The following NSMCE2 variants were observed in gnomAD, a reference collection of about 807,000 sequenced individuals.
NSMCE2 encodes the protein NSE2 SUMO ligase component of SMC5/6 complex, also known as E3 SUMO-protein ligase NSE2.
A neutral mutation model predicts 23.8 loss-of-function variants in NSMCE2; 24 were observed. The ratio of observed to expected loss-of-function variants is 1.01; its 90% CI spans 0.73 to 1.42. The LOEUF is 1.42. Ranked by LOEUF, NSMCE2 falls within the 40% of genes most tolerant of loss-of-function variation. NSMCE2 has a pLI of 0.00. For missense variants in NSMCE2, 284 were observed against 296.5 expected, an observed-to-expected ratio of 0.96 and a Z score of 0.31; for synonymous variants, 92 against 94.1, an observed-to-expected ratio of 0.98 and a Z score of 0.13.
At chr8:125,186,076 A>G (rs947102718) in intron 5 of NSMCE2, among the ~76,000 whole-genome samples, 2 of 152,226 alleles carry the variant, frequency 1.3e-5, no homozygotes. Flanking sequence ...CTGATTTTCT[A>G]TGGCCTGCAA....
At chr8:125,142,297 C>G (rs758771550) in intron 3 of NSMCE2, among the ~76,000 whole-genome samples, 1 of 152,140 alleles carries the variant, frequency 6.6e-6, no homozygotes, top group Non-Finnish European at 1.5e-5. Context: ...AATTGAGACT[C>G]TAGTAAAATG....
At chr8:125,291,735 G>A (rs1360976254) in intron 5 of NSMCE2, among the ~76,000 whole-genome samples, 1 of 152,168 alleles carries the variant, frequency 6.6e-6, no homozygotes, top group East Asian at 1.9e-4. Context: ...GTATCTAATA[G>A]TGTTTCCAGA....
chr8:125,158,777 C>G (rs748683687), intron 4 of NSMCE2, among the ~76,000 whole-genome samples: 7 of 152,174 alleles, frequency 4.6e-5, no homozygotes, highest in African/African-American at 7.2e-5. Context: ...AGGCCTTTCC[C>G]CACTAATTGG....
intron 5 of NSMCE2, among the ~76,000 whole-genome samples, chr8:125,255,147 T>A (rs1826352081): frequency 6.6e-6 from 1 of 152,014 alleles, no homozygotes. Context: ...ACTTGTCAGC[T>A]GTATGAATGA....
intron 5 of NSMCE2, among the ~76,000 whole-genome samples, chr8:125,202,341 A>G (rs990948119): frequency 6.6e-6 from 1 of 152,232 alleles, no homozygotes; most frequent in Non-Finnish European, 1.5e-5. Context: ...CTATTCAGCC[A>G]TCTTGGAACG....
chr8:125,130,204 G>A (rs2130556401), intron 3 of NSMCE2: 1 of 453,994 alleles, frequency 2.2e-6, no homozygotes, highest in Non-Finnish European at 4.4e-6. Flanking sequence ...GATTAGATTT[G>A]CGTTACAGGT....
chr8:125,099,016 G>A (rs1407138921), intron 1 of NSMCE2, among the ~76,000 whole-genome samples: 1 of 152,122 alleles, frequency 6.6e-6, no homozygotes, highest in Non-Finnish European at 1.5e-5. Flanking sequence ...GAGATACATA[G>A]TATTACATTC....
intron 5 of NSMCE2, among the ~76,000 whole-genome samples, chr8:125,289,036 G>T (rs929675604): frequency 6.6e-6 from 1 of 152,096 alleles, no homozygotes; most frequent in Non-Finnish European, 1.5e-5. Flanking sequence ...AAGCAATCCT[G>T]CCTTAACCTC....
At chr8:125,250,026 G>C (rs1826137899) in intron 5 of NSMCE2, among the ~76,000 whole-genome samples, 1 of 152,180 alleles carries the variant, frequency 6.6e-6, no homozygotes, top group Non-Finnish European at 1.5e-5. Context: ...TTTCGCTCTT[G>C]TTGCCCAGGC....
intron 5 of NSMCE2, among the ~76,000 whole-genome samples, chr8:125,326,364 G>A (rs966000862): frequency 6.6e-6 from 1 of 152,162 alleles, no homozygotes; most frequent in African/African-American, 2.4e-5. Context: ...CAAGGTATTT[G>A]CATATCTCTT....
At chr8:125,246,922 T>G (rs1825991807) in intron 5 of NSMCE2, among the ~76,000 whole-genome samples, 1 of 152,180 alleles carries the variant, frequency 6.6e-6, no homozygotes, top group Non-Finnish European at 1.5e-5. Flanking sequence ...GTTAAAATAC[T>G]TAAGATCAGC....
intron 5 of NSMCE2, among the ~76,000 whole-genome samples, chr8:125,324,964 T>A (rs1829604149): frequency 6.6e-6 from 1 of 152,020 alleles, no homozygotes; most frequent in African/African-American, 2.4e-5. Flanking sequence ...AGCCTGAAAG[T>A]GCAGAGGATA....
chr8:125,128,490 C>T (rs1287013613), intron 3 of NSMCE2, among the ~76,000 whole-genome samples: 1 of 152,150 alleles, frequency 6.6e-6, no homozygotes, highest in South Asian at 2.1e-4. Context: ...TTCTGACATA[C>T]GCATCTATGT....
intron 5 of NSMCE2, among the ~76,000 whole-genome samples, chr8:125,311,558 T>C (rs933684678): frequency 6.6e-6 from 1 of 152,238 alleles, no homozygotes; most frequent in African/African-American, 2.4e-5. Context: ...TGTTGTGCAA[T>C]ATGTCAGCAT....
intron 5 of NSMCE2, among the ~76,000 whole-genome samples, chr8:125,330,650 A>G (rs901980195): frequency 6.6e-6 from 1 of 152,134 alleles, no homozygotes; most frequent in African/African-American, 2.4e-5. Flanking sequence ...TTCCATGCCT[A>G]ATTACGTTTA....
intron 5 of NSMCE2, among the ~76,000 whole-genome samples, chr8:125,287,528 A>G (rs936854212): frequency 6.6e-6 from 1 of 152,104 alleles, no homozygotes; most frequent in Non-Finnish European, 1.5e-5. Flanking sequence ...AAATGACCTA[A>G]GTAAGACAAC....
Position 125,182,232 on chromosome 8 carries a change from C to T in NSMCE2, c.394C>T (p.Gln132Ter), listed in dbSNP as rs760514663. The change falls in exon 5 of 8, where the codon CAG becomes TAG. Residue 132 changes from glutamine to a stop codon, truncating the protein, a stop_gained. Coordinates refer to ENST00000287437, the MANE Select transcript of NSMCE2 (RefSeq NM_173685.4). LOFTEE classifies it high-confidence loss of function. ...NNEKFVQFKQ[Q>*]LKELKKQCGL... The stretch of plus-strand genomic sequence containing the variant: ...TGAAAAATTTGTACAGTTTAAACAA[C>T]AGCTGAAAGAACTAAAGAAGCAATG... 1.9e-5 allele frequency: 30 copies of T among 1,604,518 alleles called. No individual in the cohort carries two copies. In the East Asian group the frequency reaches 6.7e-4, roughly 36 times the overall value.
intron 5 of NSMCE2, among the ~76,000 whole-genome samples, chr8:125,213,485 GTCTCCTCTCCTCTCC>G (rs141971083): frequency 0.27 from 19,989 of 75,076 alleles, 3,620 homozygotes; most frequent in South Asian, 0.38. Context: ...AGGCACCCAT[GTCTCCTCTCCTCTCC>G]TCTCCTCTCC....
chr8:125,154,184 A>C (rs1273163724), intron 4 of NSMCE2, among the ~76,000 whole-genome samples: 1 of 152,192 alleles, frequency 6.6e-6, no homozygotes, highest in Non-Finnish European at 1.5e-5. Context: ...TCTGTTTATG[A>C]ATTTTCACAT....
Sources: allele counts gnomAD v4.1 joint callset (sites outside exome capture counted in the v4.1 genomes callset), GRCh38; gene constraint gnomAD v4.1.1; transcripts MANE v1.5; gene names NCBI Gene and HGNC (gene_info 2026-07-23, HGNC 2026-07-21).